The following TRIM75 variants were observed in gnomAD, a reference collection of about 807,000 sequenced individuals.
TRIM75 encodes the protein tripartite motif containing 75.
the TRIM75 span, among the ~76,000 whole-genome samples, chr4:165,055,645 A>G: frequency 6.6e-6 from 1 of 152,286 alleles, no homozygotes; most frequent in South Asian, 2.1e-4. Flanking sequence ...AGATGAGGCC[A>G]GAGGGGAAGC....
chr4:165,060,221 G>A, the TRIM75 span: 3 of 780,832 alleles, frequency 3.8e-6, no homozygotes, highest in African/African-American at 5.1e-5. Context: ...TGGGGGATAA[G>A]TCAGAATGGG....
the TRIM75 span, among the ~76,000 whole-genome samples, chr4:165,054,521 C>T: frequency 6.6e-6 from 1 of 151,986 alleles, no homozygotes; most frequent in Non-Finnish European, 1.5e-5. Context: ...CCCGCCGTGG[C>T]CTCCCAAAGT....
At chr4:165,059,588 C>T in the TRIM75 span, 1,722 of 780,892 alleles carry the variant, frequency 2.2e-3, 19 homozygotes, top group African/African-American at 0.025. Flanking sequence ...TCTGCAGTTA[C>T]ATCCAGCCCC....
At chr4:165,059,078 T>C in the TRIM75 span, 1 of 662,734 alleles carries the variant, frequency 1.5e-6, no homozygotes, top group South Asian at 1.8e-5. Flanking sequence ...TGCTTCTCAC[T>C]GAAGAGTACC....
chr4:165,057,770 C>A, the TRIM75 span, among the ~76,000 whole-genome samples: 1 of 152,060 alleles, frequency 6.6e-6, no homozygotes, highest in Non-Finnish European at 1.5e-5. Flanking sequence ...CTGAACTCAA[C>A]TGATCCTCCC....
chr4:165,056,605 T>C, the TRIM75 span, among the ~76,000 whole-genome samples: 8 of 78,328 alleles, frequency 1.0e-4, no homozygotes, highest in African/African-American at 5.1e-4. Flanking sequence ...TCTGTCTCTT[T>C]TTTTTTTTTT....
the TRIM75 span, chr4:165,060,007 G>A: frequency 5.2e-6 from 4 of 773,150 alleles, no homozygotes; most frequent in Admixed American, 1.8e-5. Flanking sequence ...GCTCTGCAGA[G>A]AATTATAAAG....
chr4:165,059,712 C>A, the TRIM75 span: 14 of 780,782 alleles, frequency 1.8e-5, no homozygotes, highest in African/African-American at 2.2e-4. Flanking sequence ...TGAATTTGAG[C>A]ACCTCAACCA....
chr4:165,060,409 T>C, the TRIM75 span: 1 of 780,918 alleles, frequency 1.3e-6, no homozygotes, highest in Non-Finnish European at 2.4e-6. Flanking sequence ...GACTATGAGA[T>C]GGGTGAGATC....
the TRIM75 span, among the ~76,000 whole-genome samples, chr4:165,054,266 A>ATTTTTTTTT: frequency 9.3e-5 from 9 of 96,856 alleles, no homozygotes; most frequent in East Asian, 6.9e-4. Context: ...TAATTTGTGT[A>ATTTTTTTTT]TTTTTTTTTT....
chr4:165,060,253 C>A, the TRIM75 span: 1 of 780,944 alleles, frequency 1.3e-6, no homozygotes, highest in Non-Finnish European at 2.4e-6. Flanking sequence ...TGCAAAGATT[C>A]TCTTCCCACA....
the TRIM75 span, chr4:165,060,402 T>G: frequency 2.2e-5 from 17 of 780,836 alleles, no homozygotes; most frequent in African/African-American, 2.5e-4. Context: ...TTTCCTGGAC[T>G]ATGAGATGGG....
the TRIM75 span, among the ~76,000 whole-genome samples, chr4:165,056,602 C>CTTTTTT: frequency 3.8e-3 from 265 of 70,014 alleles, 7 homozygotes; most frequent in Non-Finnish European, 5.8e-3. Flanking sequence ...GTCTCTGTCT[C>CTTTTTT]TTTTTTTTTT....
chr4:165,058,775 G>A, the TRIM75 span, among the ~76,000 whole-genome samples: 2 of 151,778 alleles, frequency 1.3e-5, no homozygotes, highest in African/African-American at 4.8e-5. Flanking sequence ...TTGTTCTTAA[G>A]AAAGAAATAT....
chr4:165,059,383 A>G, the TRIM75 span: 9 of 780,678 alleles, frequency 1.2e-5, no homozygotes, highest in African/African-American at 1.2e-4. Flanking sequence ...GAAATTGCCA[A>G]GCTACTCCAG....
chr4:165,057,520 A>AT, the TRIM75 span, among the ~76,000 whole-genome samples: 3 of 152,042 alleles, frequency 2.0e-5, no homozygotes, highest in Non-Finnish European at 4.4e-5. Flanking sequence ...CTTTTTAAGT[A>AT]TTTTTTTGTT....
At chr4:165,058,353 T>A in the TRIM75 span, among the ~76,000 whole-genome samples, 7 of 152,006 alleles carry the variant, frequency 4.6e-5, no homozygotes, top group African/African-American at 7.2e-5. Context: ...TTTATTTTTT[T>A]ATTTTTTTAT....
At chr4:165,054,116 G>C in the TRIM75 span, among the ~76,000 whole-genome samples, 17 of 151,650 alleles carry the variant, frequency 1.1e-4, no homozygotes, top group Admixed American at 5.9e-4. Context: ...TTTTTGAGAC[G>C]CAATCACGCT....
At chr4:165,059,530 A>G in the TRIM75 span, 3 of 780,916 alleles carry the variant, frequency 3.8e-6, 1 homozygote, top group South Asian at 2.7e-5. Flanking sequence ...CACCAGGGCC[A>G]CCATGTGAGG....
Sources: gnomAD v4.1 joint callset for allele counts (sites outside exome capture counted in the v4.1 genomes callset) on GRCh38, gnomAD v4.1.1 for gene constraint, MANE v1.5 for transcripts, NCBI Gene and HGNC (gene_info 2026-07-23, HGNC 2026-07-21) for gene names.